HIRA: variants seen among roughly 807,000 people sequenced by gnomAD.
HIRA encodes the protein histone cell cycle regulator.
Under a neutral mutation model 126.6 loss-of-function variants are expected in HIRA, and 13 were observed. The ratio of observed to expected loss-of-function variants is 0.10; its 90% CI spans 0.07 to 0.16. The LOEUF (loss-of-function observed/expected upper bound fraction) is 0.16. Ranked by LOEUF, HIRA falls within the 10% of genes least tolerant of loss-of-function variation. The pLI is 1.00. For synonymous variants in HIRA, 511 were observed against 520.0 expected, an observed-to-expected ratio of 0.98 and a Z score of 0.24; for missense variants, 834 against 1,314.4, an observed-to-expected ratio of 0.63 and a Z score of 5.65.
intron 7 of HIRA, among the ~76,000 whole-genome samples, chr22:19,395,990 T>C (rs1173296766): frequency 6.6e-6 from 1 of 152,170 alleles, no homozygotes. Flanking sequence ...GTGCAAACTG[T>C]ACTGCTAACT....
intron 13 of HIRA, among the ~76,000 whole-genome samples, chr22:19,383,291 C>CT (rs2089093554): frequency 6.6e-6 from 1 of 151,756 alleles, no homozygotes; most frequent in African/African-American, 2.4e-5. Flanking sequence ...ATAAAAATAA[C>CT]TTTATGAAAG....
At chr22:19,375,933 A>G in intron 14 of HIRA, 141 bp from the exon 15 acceptor site, 1 of 888,374 alleles carries the variant, frequency 1.1e-6, no homozygotes, top group Non-Finnish European at 1.7e-6. Context: ...GATACAATCT[A>G]CTACTCCCAT....
intron 1 of HIRA, among the ~76,000 whole-genome samples, chr22:19,425,504 G>A (rs550560586): frequency 4.3e-4 from 66 of 152,242 alleles, no homozygotes; most frequent in African/African-American, 1.6e-3. Flanking sequence ...GTGGAAGCAG[G>A]TCTCCTACTT....
intron 24 of HIRA, among the ~76,000 whole-genome samples, chr22:19,337,502 T>A (rs1003238266): frequency 1.4e-4 from 21 of 151,698 alleles, no homozygotes; most frequent in African/African-American, 4.6e-4. Flanking sequence ...TCCAAGAAAT[T>A]TGGGATTATG....
chr22:19,431,639 TCCGCCGCCACAGCCGCCACCCGCGCTCGG>T lies in HIRA; in HGVS notation c.-192_-164del. On this transcript the variant is annotated 5_prime_UTR_variant, in exon 1 of 25. It removes the in-frame stop codon of an upstream open reading frame in the 5' UTR. Transcript: ENST00000263208. ...GCGCCATCGCCGGCCCGCGCCCCCC[TCCGCCGCCACAGCCGCCACCCGCGCTCGG>T]CCGCCGCCGCCGCCACCACAGCCGC... 1.5e-6 allele frequency: 1 copy of T among 650,070 alleles called. No homozygotes were observed. Among genetic ancestry groups the T allele is most frequent in the Non-Finnish European group, 2.0e-6 (1 of 504,600 alleles). The allele number at this position is 650,070 out of a possible 1,614,324, so 40.3% of individuals were successfully genotyped here.
intron 16 of HIRA, 105 bp from the exon 17 acceptor site, chr22:19,361,446 T>G: frequency 2.1e-6 from 2 of 968,092 alleles, no homozygotes; most frequent in Non-Finnish European, 3.3e-6. Context: ...ACCAGAGCAT[T>G]TCCACCCTGG....
chr22:19,401,214 T>A (rs1050477718), intron 5 of HIRA, among the ~76,000 whole-genome samples: 2 of 152,210 alleles, frequency 1.3e-5, no homozygotes, highest in African/African-American at 2.4e-5. Context: ...CCCAGCAGTC[T>A]ATCCTTGGTC....
At chr22:19,341,945 A>C (rs1556007640) in intron 24 of HIRA, among the ~76,000 whole-genome samples, 1 of 152,270 alleles carries the variant, frequency 6.6e-6, no homozygotes, top group Non-Finnish European at 1.5e-5. Flanking sequence ...ACAAGGATAA[A>C]GAGATGGCAC....
At chr22:19,338,833 C>G (rs746737006) in intron 24 of HIRA, among the ~76,000 whole-genome samples, 1 of 152,160 alleles carries the variant, frequency 6.6e-6, no homozygotes, top group Non-Finnish European at 1.5e-5. Flanking sequence ...TAGTACTCAA[C>G]GTAAGAAATG....
intron 12 of HIRA, among the ~76,000 whole-genome samples, chr22:19,384,993 C>T (rs2146217536): frequency 1.3e-5 from 2 of 152,186 alleles, no homozygotes; most frequent in African/African-American, 4.8e-5. Context: ...AAATAGAATC[C>T]TTCCTTCCAC....
rs575050947 is a variant in HIRA at position 19,390,601 on chromosome 22, C to CAAAAAAAAAAAAAAAAA, written c.936+1483_936+1499dup. The stretch of plus-strand genomic sequence containing the variant: ...TGGGCAATAGAGGGAGACTCTGTCT[C>CAAAAAAAAAAAAAAAAA]AAAAAAAAAAAAAAAAAAAAAAAAA... On this transcript the variant is annotated intron_variant, in intron 9 of 24. Coordinates refer to ENST00000263208, the MANE Select transcript of HIRA (RefSeq NM_003325.4). Among the ~76,000 whole-genome samples the CAAAAAAAAAAAAAAAAA allele has an allele frequency of 2.9e-3, 111 of 38,338 alleles. 15 individuals are homozygous for CAAAAAAAAAAAAAAAAA. Among genetic ancestry groups the CAAAAAAAAAAAAAAAAA allele is most frequent in the Middle Eastern group, 0.071 (1 of 14 alleles). The allele number at this position is 38,338 out of a possible 152,430, so 25.2% of individuals were successfully genotyped here. A position where few individuals can be genotyped will look rare whatever the true frequency, so the allele number is the denominator to read the frequency against.
intron 12 of HIRA, among the ~76,000 whole-genome samples, chr22:19,385,036 C>A (rs569610939): frequency 2.0e-5 from 3 of 152,104 alleles, no homozygotes. Flanking sequence ...TTCTCTCATA[C>A]TTTATATCTG....
intron 24 of HIRA, among the ~76,000 whole-genome samples, chr22:19,350,262 T>C (rs1601808578): frequency 6.6e-6 from 1 of 152,210 alleles, no homozygotes; most frequent in South Asian, 2.1e-4. Flanking sequence ...CAGTCTGCCT[T>C]ATTCACTGCT....
At chr22:19,409,436 A>G (rs1462600629) in intron 2 of HIRA, among the ~76,000 whole-genome samples, 1 of 151,968 alleles carries the variant, frequency 6.6e-6, no homozygotes, top group East Asian at 1.9e-4. Context: ...GGCGAACACC[A>G]TGACACCTAG....
intron 24 of HIRA, among the ~76,000 whole-genome samples, chr22:19,341,135 G>A (rs782069979): frequency 5.9e-5 from 9 of 151,892 alleles, no homozygotes; most frequent in Non-Finnish European, 1.2e-4. Context: ...GGGCAACATG[G>A]CGAAACTCTG....
intron 1 of HIRA, among the ~76,000 whole-genome samples, chr22:19,416,496 C>A (rs929691659): frequency 6.6e-6 from 1 of 151,950 alleles, no homozygotes; most frequent in African/African-American, 2.4e-5. Flanking sequence ...CGCACCACCA[C>A]GCCTGGCTAA....
intron 24 of HIRA, among the ~76,000 whole-genome samples, chr22:19,342,982 G>A (rs1556007985): frequency 6.6e-6 from 1 of 152,176 alleles, no homozygotes; most frequent in African/African-American, 2.4e-5. Flanking sequence ...TATTCTAAGT[G>A]AAGTAACTCA....
intron 15 of HIRA, among the ~76,000 whole-genome samples, chr22:19,367,707 G>A (rs115004081): frequency 0.02 from 3,058 of 152,188 alleles, 114 homozygotes; most frequent in African/African-American, 0.069. Context: ...TCTAGATCAC[G>A]TATACATAGT....
At chr22:19,427,795 G>T (rs2089500121) in intron 1 of HIRA, among the ~76,000 whole-genome samples, 1 of 152,172 alleles carries the variant, frequency 6.6e-6, no homozygotes, top group Non-Finnish European at 1.5e-5. Flanking sequence ...CCAGAGTTGG[G>T]AAGAGCCATG....
Sources: allele counts gnomAD v4.1 joint callset (sites outside exome capture counted in the v4.1 genomes callset), GRCh38; gene constraint gnomAD v4.1.1; transcripts MANE v1.5; gene names NCBI Gene and HGNC (gene_info 2026-07-23, HGNC 2026-07-21).